The following FAM241A variants were observed in gnomAD, a reference collection of about 807,000 sequenced individuals.
The protein encoded by FAM241A is family with sequence similarity 241 member A, also known as uncharacterized protein FAM241A.
FAM241A carries 7 observed loss-of-function variants against 12.2 expected under a neutral mutation model. That is an observed-to-expected ratio of 0.58 (90% CI 0.33 to 1.08). FAM241A has a LOEUF of 1.08. Among genes scored for constraint, FAM241A ranks in the 50% least tolerant of loss-of-function variants. FAM241A has a pLI of 0.04. For missense variants in FAM241A, 161 were observed against 169.7 expected (o/e 0.95, Z 0.29); for synonymous variants, 74 against 68.2 (o/e 1.08, Z -0.42).
chr4:112,176,068 C>T (rs1723814650), intron 1 of FAM241A, among the ~76,000 whole-genome samples: 1 of 152,108 alleles, frequency 6.6e-6, no homozygotes, highest in African/African-American at 2.4e-5. Context: ...TAGCTTGTGC[C>T]CTTTCCAAAG....
intron 1 of FAM241A, among the ~76,000 whole-genome samples, chr4:112,146,448 G>A (rs1224141439): frequency 6.6e-6 from 1 of 152,046 alleles, no homozygotes; most frequent in Non-Finnish European, 1.5e-5. Context: ...TGTGATAATG[G>A]GCATTATAAC....
rs112124131 is a variant in FAM241A at position 112,185,095 on chromosome 4, G to C, written c.154-1598G>C. Among the ~76,000 whole-genome samples, 913 of 151,990 alleles carry C rather than the reference G, an allele frequency of 6.0e-3. 6 individuals carry two copies. Among genetic ancestry groups the C allele is most frequent in the African/African-American group, 0.02 (848 of 41,466 alleles). On this transcript the variant is annotated intron_variant, in intron 1 of 1. Transcript: ENST00000309733. ...CCCTATATCTAAAGGCTTTTTAAAC[G>C]TATAATAAATTCTCCATCATGTACA...
chr4:112,147,192 A>G (rs936439200), intron 1 of FAM241A, among the ~76,000 whole-genome samples: 17 of 152,228 alleles, frequency 1.1e-4, no homozygotes, highest in Admixed American at 1.1e-3. Flanking sequence ...GTACAAAGTA[A>G]AAGGATAAAA....
intron 1 of FAM241A, among the ~76,000 whole-genome samples, chr4:112,166,666 G>A (rs1461838956): frequency 6.6e-6 from 1 of 152,146 alleles, no homozygotes; most frequent in East Asian, 1.9e-4. Context: ...TCTGGTGTCA[G>A]TTAGACCTCT....
chr4:112,176,387 CTAAAG>C (rs1012019772), intron 1 of FAM241A, among the ~76,000 whole-genome samples: 11 of 152,152 alleles, frequency 7.2e-5, no homozygotes, highest in African/African-American at 2.7e-4. Context: ...CACAACAACT[CTAAAG>C]TAGGTATTAT....
chr4:112,168,165 T>C (rs1723637432), intron 1 of FAM241A, among the ~76,000 whole-genome samples: 2 of 152,372 alleles, frequency 1.3e-5, no homozygotes, highest in South Asian at 4.1e-4. Context: ...TAATATACTT[T>C]GTTATGAAAT....
rs1194675152 is a variant in FAM241A, at chr4:112,193,268, T to C, written c.*6330T>C. ...ATTAGCCCTTTGTCAGATGAGTAGGTTGCGAAAATTTTCTGCCATTTTGTA... is the reference window on the plus strand; with the variant it reads ...ATTAGCCCTTTGTCAGATGAGTAGGCTGCGAAAATTTTCTGCCATTTTGTA... On this transcript the variant is annotated 3_prime_UTR_variant, in exon 2 of 2. Transcript: ENST00000309733. The C allele has an allele frequency of 1.3e-5, 2 of 152,130 alleles. No individual in the cohort carries two copies. Among genetic ancestry groups the C allele is most frequent in the African/African-American group, 4.8e-5 (2 of 41,386 alleles). The allele number at this position is 152,130 out of a possible 1,614,324, so 9.4% of individuals were successfully genotyped here. A position where few individuals can be genotyped will look rare whatever the true frequency, so the allele number is the denominator to read the frequency against.
rs139712355 is a variant in FAM241A at position 112,160,300 on chromosome 4, C to T, written c.153+14567C>T. Among the ~76,000 whole-genome samples, 295 of 151,154 alleles carry T rather than the reference C, an allele frequency of 2.0e-3. 1 individual carries two copies. Among genetic ancestry groups the T allele is most frequent in the Non-Finnish European group, 3.6e-3 (242 of 67,838 alleles). On this transcript the variant is annotated intron_variant, in intron 1 of 1. Coordinates refer to ENST00000309733, the MANE Select transcript of FAM241A (RefSeq NM_152400.3). The stretch of plus-strand genomic sequence containing the variant: ...ATGCGTGCCTGTAATCCCAGCTACT[C>T]GGAGGCCGAGACGAGAATCACTTGA...
At chr4:112,183,776 A>C (rs1187428809) in intron 1 of FAM241A, among the ~76,000 whole-genome samples, 1 of 152,092 alleles carries the variant, frequency 6.6e-6, no homozygotes, top group African/African-American at 2.4e-5. Flanking sequence ...ACACTGGAGA[A>C]ATAGAGAGGG....
intron 1 of FAM241A, among the ~76,000 whole-genome samples, chr4:112,155,225 AGT>A (rs1490722187): frequency 6.6e-6 from 1 of 151,150 alleles, no homozygotes; most frequent in African/African-American, 2.4e-5. Context: ...ACTGAAATTG[AGT>A]GTATCTTTTT....
In FAM241A at chr4:112,178,863, C is replaced by T. The variant is rs114268456; in HGVS notation, c.154-7830C>T. 5.0e-3 allele frequency among the ~76,000 whole-genome samples: 758 copies of T among 151,970 alleles called. 7 individuals are homozygous for T. Among genetic ancestry groups the T allele is most frequent in the African/African-American group, 0.017 (713 of 41,500 alleles). On this transcript the variant is annotated intron_variant, in intron 1 of 1. Coordinates refer to ENST00000309733, the MANE Select transcript of FAM241A (RefSeq NM_152400.3). ...CACTTCTCAAAGGAAGACATAAAAG[C>T]GGCCATGAAAAAATGCTCATCATCA...
rs1724102084 is a variant in FAM241A at position 112,188,947 on chromosome 4, A to C, written c.*2009A>C. 1 of 152,214 alleles carries C rather than the reference A, an allele frequency of 6.6e-6. No homozygotes were observed. The highest frequency in any genetic ancestry group is 2.4e-5 in the African/African-American group (1 of 41,458). 9.4% of individuals were successfully genotyped at this position (152,214 alleles called of 1,614,324 possible). Reference sequence around the variant, plus strand: ...TACATATATTATTGGTCAGTACATCAAATAATATTTGGCTTTGATATGGGA... The same window carrying C: ...TACATATATTATTGGTCAGTACATCCAATAATATTTGGCTTTGATATGGGA... On this transcript the variant is annotated 3_prime_UTR_variant, in exon 2 of 2. Coordinates refer to ENST00000309733, the MANE Select transcript of FAM241A (RefSeq NM_152400.3).
intron 1 of FAM241A, among the ~76,000 whole-genome samples, chr4:112,155,303 C>T (rs1042366649): frequency 4.6e-5 from 7 of 151,922 alleles, no homozygotes; most frequent in Admixed American, 1.3e-4. Flanking sequence ...TATTGAAGCC[C>T]GGTAGTTAAA....
intron 1 of FAM241A, among the ~76,000 whole-genome samples, chr4:112,160,138 G>A (rs903284766): frequency 6.6e-6 from 1 of 152,144 alleles, no homozygotes; most frequent in African/African-American, 2.4e-5. Context: ...TGGGCACAGT[G>A]GCTCATGCCT....
intron 1 of FAM241A, among the ~76,000 whole-genome samples, chr4:112,153,390 T>G (rs1164575049): frequency 6.6e-6 from 1 of 152,200 alleles, no homozygotes; most frequent in Admixed American, 6.5e-5. Flanking sequence ...GTGTCTCTAT[T>G]CATGTGTTCT....
chr4:112,168,823 C>G (rs1439958750), intron 1 of FAM241A, among the ~76,000 whole-genome samples: 17 of 152,060 alleles, frequency 1.1e-4, no homozygotes, highest in African/African-American at 3.9e-4. Flanking sequence ...CACCCCCACA[C>G]CCAGCTTAAT....
intron 1 of FAM241A, among the ~76,000 whole-genome samples, chr4:112,170,882 A>C (rs1423892682): frequency 3.9e-5 from 5 of 126,828 alleles, no homozygotes; most frequent in East Asian, 4.2e-4. Context: ...ACAGTTAAAA[A>C]TAGGAAAAAA....
Position 112,159,905 on chromosome 4 carries a change from A to G in FAM241A, c.153+14172A>G, listed in dbSNP as rs548790316. On this transcript the variant is annotated intron_variant, in intron 1 of 1. Coordinates refer to ENST00000309733, the MANE Select transcript of FAM241A (RefSeq NM_152400.3). Reference sequence around the variant, plus strand: ...CCACTGGTCACCAGTGTTACTCAACATAGTAATGGAAGTCCTAGCTAGAGC... The same window carrying G: ...CCACTGGTCACCAGTGTTACTCAACGTAGTAATGGAAGTCCTAGCTAGAGC... Among the ~76,000 whole-genome samples the G allele has an allele frequency of 9.8e-5, 15 of 152,360 alleles. No individual in the cohort carries two copies. In the South Asian group the frequency reaches 2.7e-3, roughly 27 times the overall value.
intron 1 of FAM241A, among the ~76,000 whole-genome samples, chr4:112,158,659 G>A (rs1723400971): frequency 6.6e-6 from 1 of 152,058 alleles, no homozygotes; most frequent in Admixed American, 6.6e-5. Context: ...CAGGGAATGT[G>A]GATATGAGCT....
Sources: gnomAD v4.1 joint callset for allele counts (sites outside exome capture counted in the v4.1 genomes callset) on GRCh38, gnomAD v4.1.1 for gene constraint, MANE v1.5 for transcripts, NCBI Gene and HGNC (gene_info 2026-07-23, HGNC 2026-07-21) for gene names.